Variants in SLC25A33 observed in about 807,000 individuals in gnomAD.
SLC25A33 encodes the protein bone marrow stromal cell mitochondrial carrier protein.
Under a neutral mutation model 35.5 loss-of-function variants are expected in SLC25A33, and 15 were observed. The observed-to-expected ratio is 0.42, with a 90% CI of 0.28 to 0.65. The LOEUF is 0.65. SLC25A33 is among the 30% of genes least tolerant of loss of function. SLC25A33 has a pLI of 0.20. For synonymous variants in SLC25A33, 136 were observed against 148.7 expected (o/e 0.91, Z 0.62); for missense variants, 257 against 398.5 (o/e 0.64, Z 3.02).
rs1306924330 is a variant in SLC25A33, at chr1:9,583,369, A to G, written c.*868A>G. On this transcript the variant is annotated 3_prime_UTR_variant, in exon 7 of 7. Coordinates refer to ENST00000302692, the MANE Select transcript of SLC25A33 (RefSeq NM_032315.3). Reference sequence around the variant, plus strand: ...AGATGAATATATATAACTTTCTGAGACTCAATATTTTAAGCTATAAAAAAC... The same window carrying G: ...AGATGAATATATATAACTTTCTGAGGCTCAATATTTTAAGCTATAAAAAAC... The G allele has an allele frequency of 2.6e-5, 4 of 152,220 alleles. No homozygotes were observed. The East Asian group carries it at 5.8e-4, about 22-fold the overall frequency. 9.4% of individuals were successfully genotyped at this position (152,220 alleles called of 1,614,324 possible).
chr1:9,558,266 C>G (rs1643373957), intron 2 of SLC25A33, among the ~76,000 whole-genome samples: 2 of 152,236 alleles, frequency 1.3e-5, no homozygotes, highest in South Asian at 4.1e-4. Flanking sequence ...CAGTTCCCAG[C>G]TCAGAGACTC....
rs904824460 is a variant in SLC25A33, at chr1:9,583,549, T to C, written c.*1048T>C. On this transcript the variant is annotated 3_prime_UTR_variant, in exon 7 of 7. Coordinates refer to ENST00000302692, the MANE Select transcript of SLC25A33 (RefSeq NM_032315.3). ...ACAGCACAGCTACCCTGTTTGGCTG[T>C]GAATCCAGAATGTGATGAAGAACAG... The C allele has an allele frequency of 5.9e-5, 9 of 152,122 alleles. No homozygotes were observed. Among genetic ancestry groups the C allele is most frequent in the African/African-American group, 2.2e-4 (9 of 41,416 alleles). The allele number at this position is 152,122 out of a possible 1,614,324, so 9.4% of individuals were successfully genotyped here.
intron 5 of SLC25A33, among the ~76,000 whole-genome samples, chr1:9,573,703 G>A (rs372998218): frequency 1.5e-4 from 23 of 152,240 alleles, no homozygotes; most frequent in African/African-American, 5.5e-4. Context: ...TCTCTCCTTT[G>A]CAGACCCCAC....
chr1:9,554,328 C>T (rs761907367), intron 2 of SLC25A33, among the ~76,000 whole-genome samples: 21 of 148,634 alleles, frequency 1.4e-4, no homozygotes, highest in Admixed American at 1.0e-3. Context: ...CGCTCCCAGC[C>T]GTGAATATTT....
At position 9,574,103 on chromosome 1, in the gene SLC25A33, G is replaced by A. The variant is rs188699251; in HGVS notation, c.482+691G>A. On this transcript the variant is annotated intron_variant, in intron 5 of 6. Transcript: ENST00000302692. ...CCTCCTAAGTAGAATAATGTATTTT[G>A]TTTCCTTTTCTTTTCTTTTTTTTTT... Among the ~76,000 whole-genome samples, 48 of 146,226 alleles carry A rather than the reference G, an allele frequency of 3.3e-4. No individual in the cohort carries two copies. In the East Asian group the frequency reaches 8.7e-3, roughly 27 times the overall value.
intron 5 of SLC25A33, chr1:9,576,441 C>T (rs565079487): frequency 5.2e-6 from 2 of 387,172 alleles, no homozygotes; most frequent in African/African-American, 4.2e-5. Flanking sequence ...AGACCATTCA[C>T]AGCAATCAGA....
At chr1:9,567,150 T>A in intron 2 of SLC25A33, 134 bp from the exon 3 acceptor site, 2 of 734,842 alleles carry the variant, frequency 2.7e-6, no homozygotes, top group Non-Finnish European at 4.6e-6. Context: ...TGTAACCAAA[T>A]CAGATAAGAG....
intron 2 of SLC25A33, 57 bp from the exon 3 acceptor site, chr1:9,567,227 A>AT (rs1553146970): frequency 2.1e-6 from 3 of 1,451,516 alleles, no homozygotes; most frequent in Non-Finnish European, 2.9e-6. Context: ...ACTCTTTATC[A>AT]TTTTTAATAG....
Position 9,582,567 on chromosome 1 carries a change from T to C in SLC25A33, c.*66T>C. On this transcript the variant is annotated 3_prime_UTR_variant, in exon 7 of 7. Transcript: ENST00000302692. The surrounding 1 kb of genome is among the most constrained non-coding windows in gnomAD (Gnocchi z 4.0). ...ACTCTAGAGAATTTTTTTTCCCCATTGATGTTTAGAAAGTTTGAGACTGAA... is the reference window on the plus strand; with the variant it reads ...ACTCTAGAGAATTTTTTTTCCCCATCGATGTTTAGAAAGTTTGAGACTGAA... The C allele has an allele frequency of 1.0e-5, 15 of 1,486,210 alleles. No homozygotes were observed. Among genetic ancestry groups the C allele is most frequent in the Non-Finnish European group, 1.3e-5 (14 of 1,099,068 alleles). 92.1% of individuals were successfully genotyped at this position (1,486,210 alleles called of 1,614,324 possible).
At chr1:9,542,583 G>C (rs912544922) in intron 1 of SLC25A33, among the ~76,000 whole-genome samples, 1 of 152,306 alleles carries the variant, frequency 6.6e-6, no homozygotes, top group Admixed American at 6.5e-5. Flanking sequence ...GTCCCACCTA[G>C]TCCGGTGGAA....
chr1:9,577,906 C>T (rs1400660839), intron 5 of SLC25A33, among the ~76,000 whole-genome samples: 4 of 152,016 alleles, frequency 2.6e-5, no homozygotes, highest in Admixed American at 2.6e-4. Context: ...TGAATAGCGC[C>T]AAGGGTGAGA....
intron 2 of SLC25A33, among the ~76,000 whole-genome samples, chr1:9,559,016 G>C (rs562132035): frequency 6.6e-6 from 1 of 152,054 alleles, no homozygotes; most frequent in East Asian, 1.9e-4. Context: ...CCTCCTTTTT[G>C]TTCCTTTAAA....
intron 5 of SLC25A33, chr1:9,577,114 G>A: frequency 2.0e-6 from 1 of 495,448 alleles, no homozygotes; most frequent in African/African-American, 2.0e-5. Context: ...GGGCGGCAGA[G>A]AAGAGTCTTT....
chr1:9,582,257 C>T lies in SLC25A33; in HGVS notation c.764-42C>T. The T allele has an allele frequency of 6.2e-7, 1 of 1,602,114 alleles. No individual in the cohort carries two copies. The highest frequency in any genetic ancestry group is 1.1e-5 in the South Asian group (1 of 90,790). ...AGTTGTGTGCTGTGGATTCGTTCCC[C>T]ATTTAATATGTGGCGTAAAGTAGGT... On this transcript the variant is annotated intron_variant, in intron 6 of 6. Transcript: ENST00000302692. The surrounding 1 kb of genome is among the most constrained non-coding windows in gnomAD (Gnocchi z 4.0).
chr1:9,578,558 T>C lies in SLC25A33; in HGVS notation c.483-1396T>C, dbSNP rs566643371. 2.0e-5 allele frequency among the ~76,000 whole-genome samples: 3 copies of C among 152,340 alleles called. No individual in the cohort carries two copies. Among genetic ancestry groups the C allele is most frequent in the African/African-American group, 7.2e-5 (3 of 41,574 alleles). ...TTTTATAAATTTAGCAATAATAGAA[T>C]CTATTTGGAGACGAGTGTGATCAGA... On this transcript the variant is annotated intron_variant, in intron 5 of 6. Transcript: ENST00000302692. The surrounding 1 kb of genome is among the most constrained non-coding windows in gnomAD (Gnocchi z 4.3).
intron 2 of SLC25A33, among the ~76,000 whole-genome samples, chr1:9,556,976 T>G (rs1557528207): frequency 6.6e-6 from 1 of 152,364 alleles, no homozygotes; most frequent in East Asian, 1.9e-4. Context: ...TTCACTCTTG[T>G]TGCCCAGGCT....
chr1:9,542,921 G>C (rs1196704588), intron 1 of SLC25A33, among the ~76,000 whole-genome samples: 1 of 150,808 alleles, frequency 6.6e-6, no homozygotes, highest in African/African-American at 2.4e-5. Context: ...GAAGCAATTT[G>C]ATTCGCGTGC....
At chr1:9,540,281 C>A (rs1643059339) in intron 1 of SLC25A33, among the ~76,000 whole-genome samples, 1 of 152,164 alleles carries the variant, frequency 6.6e-6, no homozygotes. Flanking sequence ...ATGCTTGCGG[C>A]CACACGCGGG....
intron 2 of SLC25A33, among the ~76,000 whole-genome samples, chr1:9,557,778 A>G (rs1557528566): frequency 2.0e-5 from 3 of 152,058 alleles, no homozygotes; most frequent in Admixed American, 2.0e-4. Context: ...AAAACCACAC[A>G]TTTAGCACTT....
Sources: gnomAD v4.1 joint callset for allele counts (sites outside exome capture counted in the v4.1 genomes callset) on GRCh38, gnomAD v4.1.1 for gene constraint, Gnocchi (gnomAD v3.1) non-coding constraint, MANE v1.5 for transcripts, NCBI Gene and HGNC (gene_info 2026-07-23, HGNC 2026-07-21) for gene names.